The following COLEC12 variants were observed in gnomAD, a reference collection of about 807,000 sequenced individuals.
COLEC12 encodes collectin-12.
A neutral mutation model predicts 71.1 loss-of-function variants in COLEC12; 33 were observed. That is an observed-to-expected ratio of 0.46 (90% CI 0.35 to 0.62). The LOEUF (loss-of-function observed/expected upper bound fraction) is 0.62. Among genes scored for constraint, COLEC12 ranks in the 20% least tolerant of loss-of-function variants. The pLI is 0.00. For synonymous variants in COLEC12, 350 were observed against 353.0 expected (o/e 0.99, Z 0.10); for missense variants, 765 against 916.1 (o/e 0.84, Z 2.13).
intron 7 of COLEC12, 92 bp downstream of exon 7, chr18:332,915 G>C: frequency 8.5e-7 from 1 of 1,175,238 alleles, no homozygotes; most frequent in South Asian, 1.6e-5. Flanking sequence ...AGGAATTCGT[G>C]ATATCTCTGA....
intron 2 of COLEC12, among the ~76,000 whole-genome samples, chr18:384,971 C>A (rs4542729): frequency 2.6e-5 from 4 of 152,072 alleles, no homozygotes; most frequent in Non-Finnish European, 4.4e-5. Context: ...AGCAATAAAA[C>A]GCAATCACAG....
intron 2 of COLEC12, among the ~76,000 whole-genome samples, chr18:400,513 T>A (rs1915661396): frequency 2.0e-5 from 3 of 152,184 alleles, no homozygotes; most frequent in Admixed American, 2.0e-4. Flanking sequence ...AGAATTACCT[T>A]CTGAAGGGTA....
At chr18:389,529 C>T (rs1177842508) in intron 2 of COLEC12, among the ~76,000 whole-genome samples, 3 of 151,762 alleles carry the variant, frequency 2.0e-5, no homozygotes, top group Non-Finnish European at 2.9e-5. Context: ...CCGCCCACCT[C>T]GGCCTCCCAA....
At chr18:439,018 T>C (rs1916460069) in intron 2 of COLEC12, among the ~76,000 whole-genome samples, 1 of 152,160 alleles carries the variant, frequency 6.6e-6, no homozygotes, top group South Asian at 2.1e-4. Context: ...ACATGCCTCA[T>C]CTACCTGGGA....
chr18:396,078 G>C (rs913648355), intron 2 of COLEC12, among the ~76,000 whole-genome samples: 5 of 152,172 alleles, frequency 3.3e-5, no homozygotes, highest in African/African-American at 1.2e-4. Context: ...TTTGTAAATG[G>C]AGATGGCACC....
At chr18:361,321 C>G (rs1275287894) in intron 2 of COLEC12, among the ~76,000 whole-genome samples, 2 of 152,184 alleles carry the variant, frequency 1.3e-5, no homozygotes, top group Non-Finnish European at 2.9e-5. Context: ...GATCTCTCCA[C>G]TAGGCCATGG....
intron 2 of COLEC12, among the ~76,000 whole-genome samples, chr18:420,863 A>G (rs1380221301): frequency 8.6e-6 from 1 of 116,326 alleles, no homozygotes; most frequent in Admixed American, 1.0e-4. Flanking sequence ...TATGCAAACT[A>G]ACCAACCTAG....
At chr18:442,000 T>TACACACACA (rs1309639326) in intron 2 of COLEC12, among the ~76,000 whole-genome samples, 19 of 116,780 alleles carry the variant, frequency 1.6e-4, no homozygotes, top group Non-Finnish European at 2.7e-4. Flanking sequence ...ACTCTCTCTC[T>TACACACACA]CTACACACAC....
chr18:375,380 T>A (rs369854104), intron 2 of COLEC12, among the ~76,000 whole-genome samples: 66 of 152,336 alleles, frequency 4.3e-4, no homozygotes, highest in African/African-American at 1.5e-3. Context: ...TCTCCCTTTT[T>A]TCGGGTTTTT....
chr18:320,540 T>A (rs894271408), intron 9 of COLEC12, among the ~76,000 whole-genome samples: 17 of 152,230 alleles, frequency 1.1e-4, no homozygotes, highest in African/African-American at 3.6e-4. Flanking sequence ...CCAAAAATAG[T>A]TTGACCAAAA....
rs944136559 is a variant in COLEC12 at position 362,228 on chromosome 18, C to T, written c.59-4706G>A. On this transcript the variant is annotated intron_variant, in intron 2 of 9. Transcript: ENST00000400256. This position sits in a 1 kb window ranked among gnomAD's most constrained non-coding sequence, Gnocchi z 4.6. Reference sequence around the variant, plus strand: ...AGCTGGGGCACTTCCTCACCGTGTGCATTTCTCACTGCTGACTCTATCAGC... The same window carrying T: ...AGCTGGGGCACTTCCTCACCGTGTGTATTTCTCACTGCTGACTCTATCAGC... 6.6e-6 allele frequency among the ~76,000 whole-genome samples: 1 copy of T among 152,186 alleles called. No homozygotes were observed. Among genetic ancestry groups the T allele is most frequent in the Non-Finnish European group, 1.5e-5 (1 of 68,028 alleles).
chr18:489,424 T>C (rs1211801114), intron 1 of COLEC12, among the ~76,000 whole-genome samples: 2 of 152,140 alleles, frequency 1.3e-5, no homozygotes, highest in Non-Finnish European at 1.5e-5. Flanking sequence ...TGTGTGCATG[T>C]GTCTGAGTGT....
At chr18:495,429 T>C (rs1164587168) in intron 1 of COLEC12, among the ~76,000 whole-genome samples, 1 of 152,242 alleles carries the variant, frequency 6.6e-6, no homozygotes, top group Non-Finnish European at 1.5e-5. Context: ...TGCAAACCTG[T>C]TAGCAAGACG....
rs55923005 is a variant in COLEC12, at chr18:369,385, CT to C, written c.59-11864del. Among the ~76,000 whole-genome samples the C allele has an allele frequency of 2.2e-3, 304 of 136,208 alleles. 5 individuals are homozygous for C. Among genetic ancestry groups the C allele is most frequent in the African/African-American group, 7.5e-3 (276 of 36,832 alleles). The allele number at this position is 136,208 out of a possible 152,430, so 89.4% of individuals were successfully genotyped here. A position where few individuals can be genotyped will look rare whatever the true frequency, so the allele number is the denominator to read the frequency against. On this transcript the variant is annotated intron_variant, in intron 2 of 9. Transcript: ENST00000400256. ...TTCCTTCCCCGGAGGTGATACAGAT[CT>C]TTTTTTTTTTATTTTTTTTTATTTT...
chr18:485,883 T>A (rs1418155709), intron 1 of COLEC12, among the ~76,000 whole-genome samples: 2 of 152,238 alleles, frequency 1.3e-5, no homozygotes, highest in Non-Finnish European at 2.9e-5. Flanking sequence ...TATATCCAGT[T>A]CTGGTTCGGA....
chr18:318,228 C>G lies in COLEC12; in HGVS notation c.*1817G>C, dbSNP rs1414906903. The G allele has an allele frequency of 6.6e-6, 1 of 152,022 alleles. No homozygotes were observed. Among genetic ancestry groups the G allele is most frequent in the Non-Finnish European group, 1.5e-5 (1 of 68,032 alleles). The allele number at this position is 152,022 out of a possible 1,614,324, so 9.4% of individuals were successfully genotyped here. On this transcript the variant is annotated 3_prime_UTR_variant, in exon 10 of 10. Transcript: ENST00000400256. ...ATCTCCTGACCTTGTGATCCGTCCG[C>G]CTCGGCCTCCCAAAGTGCTGGGATT... is the stretch of plus-strand genomic sequence containing the variant.
chr18:330,834 A>G (rs1365668628), intron 8 of COLEC12, among the ~76,000 whole-genome samples: 4 of 145,596 alleles, frequency 2.7e-5, no homozygotes, highest in Non-Finnish European at 4.5e-5. Context: ...TTTATAGTGT[A>G]TTTTAACTTA....
intron 8 of COLEC12, among the ~76,000 whole-genome samples, chr18:322,153 T>TAGG (rs72532186): frequency 8.0e-5 from 12 of 150,940 alleles, no homozygotes; most frequent in African/African-American, 2.9e-4. Flanking sequence ...GGCATGAGTG[T>TAGG]ATATATGTGT....
chr18:382,867 T>C (rs1396829790), intron 2 of COLEC12, among the ~76,000 whole-genome samples: 2 of 152,270 alleles, frequency 1.3e-5, no homozygotes, highest in Non-Finnish European at 2.9e-5. Context: ...TTTCTATCCA[T>C]GTATACATTG....
Sources: allele counts gnomAD v4.1 joint callset (sites outside exome capture counted in the v4.1 genomes callset), GRCh38; gene constraint gnomAD v4.1.1; non-coding constraint Gnocchi (gnomAD v3.1); transcripts MANE v1.5; gene names NCBI Gene and HGNC (gene_info 2026-07-23, HGNC 2026-07-21).